Variants in TMEM116 observed in about 807,000 individuals in gnomAD.
The protein encoded by TMEM116 is transmembrane protein 116.
In TMEM116, 38 loss-of-function variants were observed where a neutral mutation model predicts 44.3. That is an observed-to-expected ratio of 0.86 (90% CI 0.66 to 1.12). The LOEUF is 1.12. Among genes scored for constraint, TMEM116 ranks in the 50% most tolerant of loss-of-function variants. The probability of loss-of-function intolerance (pLI) is 0.00; values close to 1 mark genes in which losing one functional copy is unlikely to be tolerated. For synonymous variants in TMEM116, 132 were observed against 144.8 expected, an observed-to-expected ratio of 0.91 and a Z score of 0.64; for missense variants, 354 against 401.7, an observed-to-expected ratio of 0.88 and a Z score of 1.01.
chr12:111,967,119 CAT>C (rs138230149), intron 4 of TMEM116, among the ~76,000 whole-genome samples: 99 of 152,244 alleles, frequency 6.5e-4, no homozygotes, highest in African/African-American at 2.1e-3. Flanking sequence ...TTTTACAAAA[CAT>C]GTGTGCAGAC....
At chr12:111,994,688 CAG>C (rs930998611) in intron 3 of TMEM116, among the ~76,000 whole-genome samples, 15 of 152,296 alleles carry the variant, frequency 9.8e-5, no homozygotes, top group African/African-American at 3.4e-4. Context: ...AGCCTTAAAA[CAG>C]AAACACAGTC....
intron 3 of TMEM116, among the ~76,000 whole-genome samples, chr12:111,998,301 C>T (rs1178836245): frequency 6.6e-6 from 1 of 152,198 alleles, no homozygotes; most frequent in Non-Finnish European, 1.5e-5. Flanking sequence ...CTCAGGGTTA[C>T]ATTGGACTAT....
At chr12:111,965,878 A>G (rs906095306) in intron 4 of TMEM116, 18 of 207,248 alleles carry the variant, frequency 8.7e-5, no homozygotes, top group Middle Eastern at 2.0e-3. Flanking sequence ...GGAGGTTGCA[A>G]TGAGCTGAGA....
intron 4 of TMEM116, among the ~76,000 whole-genome samples, chr12:111,982,994 T>A (rs1593523573): frequency 6.6e-6 from 1 of 152,132 alleles, no homozygotes; most frequent in Non-Finnish European, 1.5e-5. Context: ...TCTTTAAAAA[T>A]AATAGTTTAG....
chr12:111,985,008 CTCATACTCAATGATGAAAGACAAAGTCA>C (rs1479694959), intron 4 of TMEM116, among the ~76,000 whole-genome samples: 9 of 152,044 alleles, frequency 5.9e-5, no homozygotes, highest in South Asian at 2.1e-4. Context: ...GAATCTTTTA[CTCATACTCAATGATGAAAGACAAAGTCA>C]TCATACTCAA....
At chr12:111,950,523 G>C (rs147288288) in intron 4 of TMEM116, among the ~76,000 whole-genome samples, 218 of 150,534 alleles carry the variant, frequency 1.4e-3, no homozygotes, top group African/African-American at 5.2e-3. Context: ...CCAGAAATAA[G>C]GCTGCACATC....
At chr12:111,938,089 C>A in intron 6 of TMEM116, 72 bp downstream of exon 6, 2 of 1,010,468 alleles carry the variant, frequency 2.0e-6, no homozygotes, top group Non-Finnish European at 2.9e-6. Context: ...GGGCACTGTC[C>A]TATTTGTTCC....
At chr12:111,997,205 C>T (rs1050255700) in intron 3 of TMEM116, among the ~76,000 whole-genome samples, 1 of 152,074 alleles carries the variant, frequency 6.6e-6, no homozygotes, top group African/African-American at 2.4e-5. Context: ...ATACATGTTT[C>T]ATGCATTCTA....
intron 1 of TMEM116, among the ~76,000 whole-genome samples, chr12:112,009,983 TAAAGAA>T (rs1420194373): frequency 6.6e-6 from 1 of 152,230 alleles, no homozygotes; most frequent in Non-Finnish European, 1.5e-5. Flanking sequence ...AAATGTTTTA[TAAAGAA>T]ATTTTAAAAC....
intron 4 of TMEM116, among the ~76,000 whole-genome samples, chr12:111,957,590 C>T (rs112924100): frequency 1.4e-4 from 21 of 150,842 alleles, no homozygotes; most frequent in African/African-American, 3.7e-4. Flanking sequence ...GGCCAGCCCC[C>T]GCCCGGCCAG....
chr12:111,942,417 C>T (rs2072911355), intron 5 of TMEM116, among the ~76,000 whole-genome samples: 2 of 152,028 alleles, frequency 1.3e-5, no homozygotes, highest in South Asian at 2.1e-4. Context: ...GGACTACAGG[C>T]GCCCGCCACC....
At position 111,931,821 on chromosome 12, in the gene TMEM116, T is replaced by A; in HGVS notation, c.814A>T (p.Thr272Ser). The change falls in exon 11 of 11, where the codon ACG (threonine) becomes TCG (serine). Residue 272 changes from threonine to serine, a missense_variant. Thr to Ser is a moderately conservative substitution (Grantham distance 58). Transcript: ENST00000552374. Reference protein sequence around the residue: ...HMALYVLQALTATSQGLLNCG... With the variant: ...HMALYVLQALSATSQGLLNCG... ...TTGAGTAGACCCTGAGATGTTGCCG[T>A]TAGAGCCTGGAGGAGATGAAGGGGT... The A allele has an allele frequency of 6.6e-7, 1 of 1,517,850 alleles. No individual in the cohort carries two copies. Among genetic ancestry groups the A allele is most frequent in the Non-Finnish European group, 8.8e-7 (1 of 1,136,486 alleles). The allele number at this position is 1,517,850 out of a possible 1,614,324, so 94.0% of individuals were successfully genotyped here.
intron 4 of TMEM116, among the ~76,000 whole-genome samples, chr12:111,956,368 G>T (rs994895079): frequency 2.0e-5 from 3 of 152,102 alleles, no homozygotes; most frequent in Non-Finnish European, 4.4e-5. Context: ...TCCTAAACCT[G>T]GAAAGCACAT....
chr12:111,967,267 T>C (rs2075036217), intron 4 of TMEM116, among the ~76,000 whole-genome samples: 1 of 152,204 alleles, frequency 6.6e-6, no homozygotes, highest in Admixed American at 6.5e-5. Context: ...AATGAGAATC[T>C]AGGTCTCCTA....
At chr12:111,940,279 T>C (rs140505080) in intron 5 of TMEM116, among the ~76,000 whole-genome samples, 2 of 150,380 alleles carry the variant, frequency 1.3e-5, no homozygotes, top group African/African-American at 2.4e-5. Flanking sequence ...TCTCAAAAAA[T>C]ATATATATAT....
chr12:111,938,000 A>G (rs2072311509), intron 6 of TMEM116, 161 bp downstream of exon 6: 1 of 435,886 alleles, frequency 2.3e-6, no homozygotes, highest in Non-Finnish European at 4.2e-6. Context: ...TTCAATGTGG[A>G]AAAATGGAAG....
At chr12:111,932,723 C>T in intron 9 of TMEM116, 64 bp from the exon 10 acceptor site, 4 of 1,268,332 alleles carry the variant, frequency 3.2e-6, no homozygotes, top group Non-Finnish European at 4.6e-6. Flanking sequence ...CAGGTTCCTC[C>T]ACACACGTCT....
intron 4 of TMEM116, among the ~76,000 whole-genome samples, chr12:111,948,555 T>C (rs1292703811): frequency 1.3e-5 from 2 of 152,174 alleles, no homozygotes; most frequent in East Asian, 3.8e-4. Context: ...GCCACCTGCA[T>C]ACCTAGAGCA....
rs2072339745 is a variant in TMEM116 at position 111,938,297 on chromosome 12, GAAC to G, written c.316-90_316-88del. On this transcript the variant is annotated intron_variant, in intron 5 of 10. Transcript: ENST00000552374. Reference sequence around the variant, plus strand: ...CCAGATCATCAGTTAACACTCAATAGAACAAAAAGATTTCCAAAAGCCAGTTTG... The same window carrying G: ...CCAGATCATCAGTTAACACTCAATAGAAAAAGATTTCCAAAAGCCAGTTTG... 1.9e-5 allele frequency: 19 copies of G among 997,396 alleles called. No homozygotes were observed. In the South Asian group the frequency reaches 3.8e-4, roughly 20 times the overall value. The allele number at this position is 997,396 out of a possible 1,614,324, so 61.8% of individuals were successfully genotyped here.
Sources: allele counts gnomAD v4.1 joint callset (sites outside exome capture counted in the v4.1 genomes callset), GRCh38; gene constraint gnomAD v4.1.1; transcripts MANE v1.5; gene names NCBI Gene and HGNC (gene_info 2026-07-23, HGNC 2026-07-21).